Variants in ZNF239 observed in about 807,000 individuals in gnomAD.
The protein encoded by ZNF239 is zinc finger protein 239, also known as zinc finger protein (C2H2) homologous to mouse MOK-2.
ZNF239 carries 16 observed loss-of-function variants against 27.5 expected under a neutral mutation model. That is an observed-to-expected ratio of 0.58 (90% CI 0.39 to 0.88). ZNF239 has a LOEUF of 0.88. Ranked by LOEUF, ZNF239 falls within the 40% of genes least tolerant of loss-of-function variation. The probability of loss-of-function intolerance (pLI) is 0.00; values close to 1 mark genes in which losing one functional copy is unlikely to be tolerated. For missense variants in ZNF239, 527 were observed against 551.9 expected, an observed-to-expected ratio of 0.95 and a Z score of 0.45; for synonymous variants, 199 against 192.6, an observed-to-expected ratio of 1.03 and a Z score of -0.27.
chr10:43,570,486 C>T (rs1356871309), intron 2 of ZNF239: 6 of 984,972 alleles, frequency 6.1e-6, no homozygotes, highest in Non-Finnish European at 7.2e-6. Flanking sequence ...TAAGGCTAAT[C>T]TCTTCCTGTG....
chr10:43,571,808 C>T (rs915908050), intron 2 of ZNF239, among the ~76,000 whole-genome samples: 1 of 152,148 alleles, frequency 6.6e-6, no homozygotes, highest in Non-Finnish European at 1.5e-5. Context: ...CCTCCCCACT[C>T]AGTCTCCCAA....
At chr10:43,560,351 C>T (rs1837131580) in intron 3 of ZNF239, among the ~76,000 whole-genome samples, 1 of 152,158 alleles carries the variant, frequency 6.6e-6, no homozygotes, top group African/African-American at 2.4e-5. Flanking sequence ...TCAAGCTAAA[C>T]TTTTTAATGG....
chr10:43,572,822 A>G (rs1838119513), intron 2 of ZNF239, among the ~76,000 whole-genome samples: 1 of 152,232 alleles, frequency 6.6e-6, no homozygotes, highest in Non-Finnish European at 1.5e-5. Context: ...TCTCTTTAAA[A>G]AAGTACGACT....
intron 3 of ZNF239, among the ~76,000 whole-genome samples, chr10:43,560,683 A>G (rs932763514): frequency 1.4e-5 from 2 of 144,288 alleles, no homozygotes; most frequent in Admixed American, 7.0e-5. Flanking sequence ...TATAATATCC[A>G]CCATCTGGAT....
At chr10:43,561,193 G>A (rs906049612) in intron 3 of ZNF239, among the ~76,000 whole-genome samples, 1 of 152,070 alleles carries the variant, frequency 6.6e-6, no homozygotes, top group Admixed American at 6.6e-5. Context: ...ATGGAACACA[G>A]GGAGAGAAAA....
chr10:43,559,250 T>C (rs1050821740), intron 3 of ZNF239, among the ~76,000 whole-genome samples: 1 of 152,186 alleles, frequency 6.6e-6, no homozygotes. Flanking sequence ...AGAATTTTAA[T>C]TCAGAGTGAA....
intron 3 of ZNF239, among the ~76,000 whole-genome samples, chr10:43,563,594 T>C (rs1007779258): frequency 6.6e-6 from 1 of 152,232 alleles, no homozygotes; most frequent in African/African-American, 2.4e-5. Flanking sequence ...ATGTCTTACT[T>C]GCATAAAAGA....
At chr10:43,562,356 C>G in intron 3 of ZNF239, among the ~76,000 whole-genome samples, 1 of 152,190 alleles carries the variant, frequency 6.6e-6, no homozygotes, top group South Asian at 2.1e-4. Context: ...TATATGCACT[C>G]AGCATTCCAA....
chr10:43,567,852 CAAAG>C (rs1837783620), intron 3 of ZNF239, 43 bp downstream of exon 3: 2 of 949,220 alleles, frequency 2.1e-6, no homozygotes, highest in African/African-American at 1.8e-5. Context: ...AAGTAGGAAA[CAAAG>C]AAGCCAATGG....
At chr10:43,569,693 C>T (rs1460261602) in intron 2 of ZNF239, among the ~76,000 whole-genome samples, 1 of 152,200 alleles carries the variant, frequency 6.6e-6, no homozygotes, top group African/African-American at 2.4e-5. Flanking sequence ...TTAATTTCTT[C>T]TTATAACTTA....
chr10:43,571,085 G>T, intron 2 of ZNF239: 1 of 886,630 alleles, frequency 1.1e-6, no homozygotes, highest in Non-Finnish European at 1.4e-6. Flanking sequence ...GTCACTCCAA[G>T]GCTGTGCTCC....
chr10:43,571,085 G>A (rs1838002231), intron 2 of ZNF239: 56 of 886,516 alleles, frequency 6.3e-5, no homozygotes, highest in Non-Finnish European at 7.3e-5. Flanking sequence ...GTCACTCCAA[G>A]GCTGTGCTCC....
rs1436167111 is a variant in ZNF239 at position 43,570,843 on chromosome 10, A to C, written c.-216+2794T>G. On this transcript the variant is annotated intron_variant, in intron 2 of 3. Transcript: ENST00000374446. ...GAGTTATTAATTTTTTAAGGTCCTC[A>C]AGATAAAATGGCAGGCGGGACTCCA... 3.0e-6 allele frequency: 3 copies of C among 985,114 alleles called. No homozygotes were observed. In the African/African-American group the frequency reaches 5.2e-5, roughly 17 times the overall value. The allele number at this position is 985,114 out of a possible 1,614,324, so 61.0% of individuals were successfully genotyped here.
intron 2 of ZNF239, chr10:43,570,326 A>C (rs1202993535): frequency 3.0e-6 from 3 of 985,272 alleles, no homozygotes; most frequent in Non-Finnish European, 3.6e-6. Context: ...TGGGACAAAC[A>C]AACAGAAGCA....
In ZNF239 at chr10:43,558,310, T is replaced by G. The variant is rs75185890; in HGVS notation, c.-92-139A>C. On this transcript the variant is annotated intron_variant, in intron 3 of 3. Transcript: ENST00000374446. ...TATAGTCATGTCCTTTGGGTTAAGG[T>G]CAGGTACATTTGTATCTGGGTACAA... The G allele has an allele frequency of 5.6e-3, 4,231 of 749,668 alleles. 107 individuals are homozygous for G. Among genetic ancestry groups the G allele is most frequent in the Admixed American group, 0.055 (1,702 of 31,218 alleles). 46.4% of individuals were successfully genotyped at this position (749,668 alleles called of 1,614,324 possible).
At position 43,567,951 on chromosome 10, in the gene ZNF239, G is replaced by A. The variant is rs1837789978; in HGVS notation, c.-145C>T. The A allele has an allele frequency of 9.1e-6, 9 of 985,840 alleles. No homozygotes were observed. Among genetic ancestry groups the A allele is most frequent in the Non-Finnish European group, 1.1e-5 (9 of 830,024 alleles). The allele number at this position is 985,840 out of a possible 1,614,324, so 61.1% of individuals were successfully genotyped here. On this transcript the variant is annotated 5_prime_UTR_variant, in exon 3 of 4. Coordinates refer to ENST00000374446, the MANE Select transcript of ZNF239 (RefSeq NM_001099282.2). ...CATCACAGCTCCGCACAGCTTCCTG[G>A]GAGCAGAGTCCAGGTGACCTCACTC...
chr10:43,572,467 T>G (rs1273638934), intron 2 of ZNF239, among the ~76,000 whole-genome samples: 2 of 152,188 alleles, frequency 1.3e-5, no homozygotes, highest in Non-Finnish European at 2.9e-5. Flanking sequence ...TAAAAAACAT[T>G]TTTTTTCCCT....
intron 1 of ZNF239, among the ~76,000 whole-genome samples, chr10:43,574,133 C>G (rs1200107539): frequency 2.6e-5 from 4 of 152,230 alleles, no homozygotes; most frequent in Non-Finnish European, 4.4e-5. Context: ...ACCTCAGTCT[C>G]TTACAGGAGC....
intron 2 of ZNF239, among the ~76,000 whole-genome samples, chr10:43,573,090 G>T (rs1838134092): frequency 6.6e-6 from 1 of 152,198 alleles, no homozygotes; most frequent in African/African-American, 2.4e-5. Context: ...GAGTTCTGAT[G>T]CATAGCCTAG....
Sources: allele counts gnomAD v4.1 joint callset (sites outside exome capture counted in the v4.1 genomes callset), GRCh38; gene constraint gnomAD v4.1.1; transcripts MANE v1.5; gene names NCBI Gene and HGNC (gene_info 2026-07-23, HGNC 2026-07-21).